ZDHHC23: variants seen among roughly 807,000 people sequenced by gnomAD.
ZDHHC23 encodes the protein zDHHC palmitoyltransferase 23, also known as palmitoyltransferase ZDHHC23.
A neutral mutation model predicts 40.2 loss-of-function variants in ZDHHC23; 41 were observed. The observed-to-expected ratio is 1.02, with a 90% CI of 0.79 to 1.32. The LOEUF (loss-of-function observed/expected upper bound fraction) is 1.32. Among genes scored for constraint, ZDHHC23 ranks in the 40% most tolerant of loss-of-function variants. ZDHHC23 has a pLI of 0.00. For synonymous variants in ZDHHC23, 204 were observed against 210.2 expected, an observed-to-expected ratio of 0.97 and a Z score of 0.26; for missense variants, 471 against 541.5, an observed-to-expected ratio of 0.87 and a Z score of 1.29.
At position 113,961,747 on chromosome 3, in the gene ZDHHC23, C is replaced by T. The variant is rs1203796485; in HGVS notation, c.*3117C>T. ...TCTTATGCAATAGTCCTTGGTACTT[C>T]TAATATTTTTAGCAAGAGACAATTT... On this transcript the variant is annotated 3_prime_UTR_variant, in exon 5 of 5. Coordinates refer to ENST00000638807, the MANE Select transcript of ZDHHC23 (RefSeq NM_001320466.2). 6.6e-6 allele frequency: 1 copy of T among 152,634 alleles called. No homozygotes were observed. The highest frequency in any genetic ancestry group is 1.5e-5 in the Non-Finnish European group (1 of 68,038). 9.5% of individuals were successfully genotyped at this position (152,634 alleles called of 1,614,324 possible). A position where few individuals can be genotyped will look rare whatever the true frequency, so the allele number is the denominator to read the frequency against.
chr3:113,960,960 G>C lies in ZDHHC23; in HGVS notation c.*2330G>C. 1 of 516,944 alleles carries C rather than the reference G, an allele frequency of 1.9e-6. No homozygotes were observed. Among genetic ancestry groups the C allele is most frequent in the Admixed American group, 3.9e-5 (1 of 25,846 alleles). The allele number at this position is 516,944 out of a possible 1,614,324, so 32.0% of individuals were successfully genotyped here. On this transcript the variant is annotated 3_prime_UTR_variant, in exon 5 of 5. Coordinates refer to ENST00000638807, the MANE Select transcript of ZDHHC23 (RefSeq NM_001320466.2). ...CTAATCCATGAGCAGTGTTCTGTAGGCTCTGTGACATCTTTGGTTTATAGG... is the reference window on the plus strand; with the variant it reads ...CTAATCCATGAGCAGTGTTCTGTAGCCTCTGTGACATCTTTGGTTTATAGG...
chr3:113,948,894 G>A lies in ZDHHC23; in HGVS notation c.92G>A (p.Arg31Gln), dbSNP rs904745563. 6.2e-7 allele frequency: 1 copy of A among 1,614,182 alleles called. No homozygotes were observed. Among genetic ancestry groups the A allele is most frequent in the Non-Finnish European group, 8.5e-7 (1 of 1,180,036 alleles). Residue 31 changes from arginine (R) to glutamine (Q), a missense_variant, in exon 2 of 5, where the codon CGG becomes CAG. Physicochemically the swap from Arg to Gln is conservative, Grantham distance 43. Around this residue, in one of 3 missense-constraint regions of ZDHHC23, gnomAD observed 83 missense variants for 67.8 expected, o/e 1.22. Transcript: ENST00000638807. ...CTGTGCTGCTGCGAGTACATAGATC[G>A]GAATGGGGAAAAGAACCACGTGGCT... ...EPLCCCEYID[R>Q]NGEKNHVATC...
chr3:113,967,505 ATAT>A (rs1417938135), downstream of ZDHHC23, among the ~76,000 whole-genome samples: 2 of 151,944 alleles, frequency 1.3e-5, no homozygotes, highest in African/African-American at 4.8e-5. Context: ...TCTTTTTATA[ATAT>A]TTTTATTGAT....
chr3:113,963,574 C>CA (rs10526433), downstream of ZDHHC23, among the ~76,000 whole-genome samples: 17,409 of 49,954 alleles, frequency 0.35, 2,705 homozygotes, highest in Non-Finnish European at 0.38. Context: ...CCATCTCTAC[C>CA]AAAAAAAAAA....
downstream of ZDHHC23, chr3:113,965,237 A>C: frequency 6.2e-7 from 1 of 1,612,112 alleles, no homozygotes; most frequent in Non-Finnish European, 8.5e-7. Flanking sequence ...AGGTACCTGG[A>C]AGTCTGGAAG....
At chr3:113,955,377 TGTGTGTGTGTGTGTGC>T (rs1234377549) in intron 3 of ZDHHC23, among the ~76,000 whole-genome samples, 2 of 147,628 alleles carry the variant, frequency 1.4e-5, no homozygotes, top group Non-Finnish European at 3.0e-5. Flanking sequence ...TGTGTGTGTG[TGTGTGTGTGTGTGTGC>T]GTGTGTGTTC....
chr3:113,955,304 G>C (rs1939076242), intron 3 of ZDHHC23, among the ~76,000 whole-genome samples: 1 of 152,060 alleles, frequency 6.6e-6, no homozygotes, highest in African/African-American at 2.4e-5. Context: ...CTTGTCTTTA[G>C]AAGTAAACAG....
downstream of ZDHHC23, among the ~76,000 whole-genome samples, chr3:113,963,646 G>A (rs1474836895): frequency 6.6e-6 from 1 of 151,408 alleles, no homozygotes; most frequent in African/African-American, 2.4e-5. Context: ...TGAGGTGGGA[G>A]GATCACCTGA....
At chr3:113,954,575 G>A (rs974740993) in intron 3 of ZDHHC23, among the ~76,000 whole-genome samples, 165 bp downstream of exon 3, 3 of 151,818 alleles carry the variant, frequency 2.0e-5, no homozygotes, top group Admixed American at 6.6e-5. Flanking sequence ...TCAGTTTTTC[G>A]AGTTTCACAA....
rs1013511673 is a variant in ZDHHC23, at chr3:113,962,364, A to G, written c.*3734A>G. The G allele has an allele frequency of 6.6e-6, 1 of 152,250 alleles. No individual in the cohort carries two copies. Among genetic ancestry groups the G allele is most frequent in the African/African-American group, 2.4e-5 (1 of 41,462 alleles). The allele number at this position is 152,250 out of a possible 1,614,324, so 9.4% of individuals were successfully genotyped here. ...TTCATTGTAGGATCAGCAGCAGGTT[A>G]AAGACTGAACGGTTAGTGAAGACAA... is the stretch of plus-strand genomic sequence containing the variant. On this transcript the variant is annotated 3_prime_UTR_variant, in exon 5 of 5. Coordinates refer to ENST00000638807, the MANE Select transcript of ZDHHC23 (RefSeq NM_001320466.2).
In ZDHHC23 at chr3:113,959,448, A is replaced by C. The variant is rs998623200; in HGVS notation, c.*818A>C. The C allele has an allele frequency of 1.6e-6, 2 of 1,252,456 alleles. No homozygotes were observed. The highest frequency in any genetic ancestry group is 3.1e-5 in the African/African-American group (2 of 65,294). 77.6% of individuals were successfully genotyped at this position (1,252,456 alleles called of 1,614,324 possible). Reference sequence around the variant, plus strand: ...TGAGTTCTTCTATTTATATTTTATAAATTCTGCTTGGGTTTCTTATAAATA... The same window carrying C: ...TGAGTTCTTCTATTTATATTTTATACATTCTGCTTGGGTTTCTTATAAATA... On this transcript the variant is annotated 3_prime_UTR_variant, in exon 5 of 5. Coordinates refer to ENST00000638807, the MANE Select transcript of ZDHHC23 (RefSeq NM_001320466.2).
downstream of ZDHHC23, among the ~76,000 whole-genome samples, chr3:113,968,926 T>C (rs1371459123): frequency 6.6e-6 from 1 of 151,050 alleles, no homozygotes; most frequent in Non-Finnish European, 1.5e-5. Flanking sequence ...CTTGCAGTTT[T>C]GCCAGCTGTA....
chr3:113,970,590 T>TC, the ZDHHC23 span, among the ~76,000 whole-genome samples: 1 of 152,196 alleles, frequency 6.6e-6, no homozygotes, highest in Non-Finnish European at 1.5e-5. Context: ...TATTATACTT[T>TC]AAGTTTTAGG....
chr3:113,956,378 T>C lies in ZDHHC23; in HGVS notation c.912T>C (p.Phe304=). 1 of 1,614,256 alleles carries C rather than the reference T, an allele frequency of 6.2e-7. No homozygotes were observed. The highest frequency in any genetic ancestry group is 2.2e-5 in the East Asian group (1 of 44,892). ...SCVGESNHQA[F]ILALLIFLLT... ...TTGGAGAATCAAATCATCAAGCATT[T>C]ATACTTGCCCTTTTGATCTTCTTGC... The change falls in exon 4 of 5, where the codon TTT becomes TTC. Residue 304 remains phenylalanine, a synonymous_variant. Transcript: ENST00000638807.
chr3:113,958,342 C>A lies in ZDHHC23; in HGVS notation c.1041-21C>A, dbSNP rs746057491. ...AATTTGACAAAAACGGCAGCCCTGACAGCCTTTTTCCCTCTCCTAGCTCGG... is the reference window on the plus strand; with the variant it reads ...AATTTGACAAAAACGGCAGCCCTGAAAGCCTTTTTCCCTCTCCTAGCTCGG... On this transcript the variant is annotated intron_variant, in intron 4 of 4. Coordinates refer to ENST00000638807, the MANE Select transcript of ZDHHC23 (RefSeq NM_001320466.2). The A allele has an allele frequency of 1.9e-6, 3 of 1,583,746 alleles. No individual in the cohort carries two copies. In the Admixed American group the frequency reaches 5.3e-5, roughly 28 times the overall value.
chr3:113,979,125 A>T, the ZDHHC23 span: 1 of 929,854 alleles, frequency 1.1e-6, no homozygotes, highest in Non-Finnish European at 1.6e-6. Flanking sequence ...GTAGAGAATA[A>T]TCTGAAGGTA....
At chr3:113,957,175 C>T (rs1248893590) in intron 4 of ZDHHC23, among the ~76,000 whole-genome samples, 1 of 152,220 alleles carries the variant, frequency 6.6e-6, no homozygotes, top group Non-Finnish European at 1.5e-5. Context: ...CTGGGGCCCC[C>T]CTCTGCCCAT....
At chr3:113,951,163 C>T (rs1938620215) in intron 2 of ZDHHC23, among the ~76,000 whole-genome samples, 1 of 152,148 alleles carries the variant, frequency 6.6e-6, no homozygotes, top group Non-Finnish European at 1.5e-5. Flanking sequence ...CTACGGGGCT[C>T]TTGGGGGTGA....
At position 113,960,351 on chromosome 3, in the gene ZDHHC23, G is replaced by C; in HGVS notation, c.*1721G>C. The C allele has an allele frequency of 8.9e-7, 1 of 1,122,282 alleles. No homozygotes were observed. Among genetic ancestry groups the C allele is most frequent in the Non-Finnish European group, 1.1e-6 (1 of 915,976 alleles). 69.5% of individuals were successfully genotyped at this position (1,122,282 alleles called of 1,614,324 possible). On this transcript the variant is annotated 3_prime_UTR_variant, in exon 5 of 5. Transcript: ENST00000638807. ...GGGATGTTAGCAGACTCTGGGGTTTGTACAGTGATGCCTTCTCCCTGGCCC... is the reference window on the plus strand; with the variant it reads ...GGGATGTTAGCAGACTCTGGGGTTTCTACAGTGATGCCTTCTCCCTGGCCC...
Sources: allele counts gnomAD v4.1 joint callset (sites outside exome capture counted in the v4.1 genomes callset), GRCh38; gene constraint gnomAD v4.1.1; regional missense constraint gnomAD v4.1.1; transcripts MANE v1.5; gene names NCBI Gene and HGNC (gene_info 2026-07-23, HGNC 2026-07-21).